SCAF8: variants seen among roughly 807,000 people sequenced by gnomAD.
SCAF8 encodes SR-related and CTD-associated factor 8.
A neutral mutation model predicts 140.5 loss-of-function variants in SCAF8; 23 were observed. The ratio of observed to expected loss-of-function variants is 0.16; its 90% CI spans 0.12 to 0.23. The LOEUF (loss-of-function observed/expected upper bound fraction) is 0.23. Ranked by LOEUF, SCAF8 falls within the 10% of genes least tolerant of loss-of-function variation. The pLI is 1.00. For missense variants in SCAF8, 1,397 were observed against 1,555.7 expected (o/e 0.90, Z 1.72); for synonymous variants, 575 against 528.9 (o/e 1.09, Z -1.20).
At chr6:154,773,926 T>C in intron 1 of SCAF8, 63 bp from the exon 2 acceptor site, 1 of 989,432 alleles carries the variant, frequency 1.0e-6, no homozygotes, top group South Asian at 1.4e-5. Flanking sequence ...TGAACATGTT[T>C]GGTAGTTTCA....
chr6:154,832,227 T>C lies in SCAF8; in HGVS notation c.2648T>C (p.Val883Ala), dbSNP rs1256002644. ...PPNIPNNSGL[V>A]GVQPPNVPNT... ...AATATACCTAACAATTCTGGACTTG[T>C]AGGAGTACAGCCACCAAATGTTCCA... is the stretch of plus-strand genomic sequence containing the variant. Residue 883 changes from valine (V) to alanine (A), a missense_variant, in exon 20 of 20, where the codon GTA (valine) becomes GCA (alanine). Physicochemically the swap from Val to Ala is moderately conservative, Grantham distance 64. Transcript: ENST00000367178. 1.9e-6 allele frequency: 3 copies of C among 1,614,132 alleles called. No homozygotes were observed. The highest frequency in any genetic ancestry group is 2.5e-6 in the Non-Finnish European group (3 of 1,179,990).
chr6:154,816,963 C>T (rs1341977038), intron 13 of SCAF8, among the ~76,000 whole-genome samples: 1 of 152,168 alleles, frequency 6.6e-6, no homozygotes, highest in Non-Finnish European at 1.5e-5. Flanking sequence ...TTATGGATTT[C>T]AACTTGGGTA....
At chr6:154,782,194 T>C (rs1164398459) in intron 3 of SCAF8, among the ~76,000 whole-genome samples, 3 of 152,142 alleles carry the variant, frequency 2.0e-5, no homozygotes, top group Admixed American at 6.5e-5. Context: ...AAGGCTGGGC[T>C]CAGGCATTTG....
In SCAF8 at chr6:154,733,841, A is replaced by C. The variant is rs751230996; in HGVS notation, c.-60A>C. 1.5e-5 allele frequency: 23 copies of C among 1,532,242 alleles called. No homozygotes were observed. The highest frequency in any genetic ancestry group is 4.3e-5 in the African/African-American group (3 of 69,336). The allele number at this position is 1,532,242 out of a possible 1,614,324, so 94.9% of individuals were successfully genotyped here. On this transcript the variant is annotated 5_prime_UTR_variant, in exon 1 of 20. Transcript: ENST00000367178. ...CAGCAGCCCGCGTCTCGCTCTCCCC[A>C]CCCAGTGCAGTGGCCGCCGCCTCTT...
intron 8 of SCAF8, among the ~76,000 whole-genome samples, 157 bp from the exon 9 acceptor site, chr6:154,805,212 C>G (rs1056439848): frequency 9.9e-5 from 15 of 151,936 alleles, no homozygotes; most frequent in African/African-American, 2.9e-4. Context: ...AATTAATGTT[C>G]TCAAGTATTC....
Position 154,748,814 on chromosome 6 carries a change from A to C in SCAF8, c.30+14884A>C, listed in dbSNP as rs77810629. On this transcript the variant is annotated intron_variant, in intron 1 of 19. Coordinates refer to ENST00000367178, the MANE Select transcript of SCAF8 (RefSeq NM_014892.5). ...GGAGTTGTTTAGAGGCTGCAGCATC[A>C]TTCTTGTGCAAAATTTCCTAATCAG... 6.4e-3 allele frequency among the ~76,000 whole-genome samples: 979 copies of C among 152,354 alleles called. 14 individuals are homozygous for C. Among genetic ancestry groups the C allele is most frequent in the African/African-American group, 0.022 (913 of 41,574 alleles).
intron 1 of SCAF8, among the ~76,000 whole-genome samples, chr6:154,750,296 A>G (rs1251170258): frequency 6.6e-6 from 1 of 152,186 alleles, no homozygotes; most frequent in Non-Finnish European, 1.5e-5. Context: ...CAAGGTGGAG[A>G]TACCTAACTA....
intron 1 of SCAF8, among the ~76,000 whole-genome samples, chr6:154,768,321 T>A (rs1375850641): frequency 6.6e-6 from 1 of 152,216 alleles, no homozygotes; most frequent in African/African-American, 2.4e-5. Flanking sequence ...TCTGTGGTGG[T>A]ATTCAAGGTT....
chr6:154,793,913 G>GTGTATGTGTGTGTGTA (rs1777504535), intron 5 of SCAF8, among the ~76,000 whole-genome samples: 2 of 151,378 alleles, frequency 1.3e-5, no homozygotes, highest in African/African-American at 4.9e-5. Context: ...GTGTGTGTGT[G>GTGTATGTGTGTGTGTA]TGTATGAACA....
intron 6 of SCAF8, among the ~76,000 whole-genome samples, chr6:154,798,297 T>A (rs956640850): frequency 6.6e-6 from 1 of 151,510 alleles, no homozygotes; most frequent in African/African-American, 2.4e-5. Flanking sequence ...AAAGTTCTGT[T>A]ATACAGATGA....
chr6:154,813,267 A>G (rs965910088), intron 12 of SCAF8, among the ~76,000 whole-genome samples: 1 of 152,100 alleles, frequency 6.6e-6, no homozygotes, highest in Non-Finnish European at 1.5e-5. Flanking sequence ...GCTCAAACCT[A>G]TAATCCCAGT....
intron 5 of SCAF8, among the ~76,000 whole-genome samples, chr6:154,793,635 T>C (rs1389612815): frequency 1.3e-5 from 2 of 151,444 alleles, no homozygotes; most frequent in East Asian, 1.9e-4. Flanking sequence ...GCCAATATAG[T>C]GAAACCCTGT....
chr6:154,746,075 G>A (rs1433671910), intron 1 of SCAF8, among the ~76,000 whole-genome samples: 2 of 152,092 alleles, frequency 1.3e-5, no homozygotes, highest in Non-Finnish European at 2.9e-5. Context: ...TAGTCGAGTC[G>A]AGGTTTTGCC....
chr6:154,830,221 T>C (rs1249057080), intron 18 of SCAF8, among the ~76,000 whole-genome samples: 1 of 152,252 alleles, frequency 6.6e-6, no homozygotes, highest in Non-Finnish European at 1.5e-5. Context: ...TGTTGTATGC[T>C]AACAGTTTGT....
Position 154,808,724 on chromosome 6 carries a change from G to A in SCAF8, c.1152G>A (p.Glu384=). ...DIDEGQDGVE[E]EVFEQEAKKV... ...ATGAAGGGCAAGATGGAGTGGAAGA[G>A]GAGGTCTTTGAACAAGAAGCTAAGA... Residue 384 remains glutamate, a synonymous_variant, in exon 11 of 20, where the codon GAG becomes GAA. Transcript: ENST00000367178. The A allele has an allele frequency of 6.2e-7, 1 of 1,613,802 alleles. No homozygotes were observed. The highest frequency in any genetic ancestry group is 8.5e-7 in the Non-Finnish European group (1 of 1,179,712).
In SCAF8 at chr6:154,734,403, G is replaced by T. The variant is rs78966321; in HGVS notation, c.30+473G>T. Among the ~76,000 whole-genome samples, 1,215 of 152,316 alleles carry T rather than the reference G, an allele frequency of 8.0e-3. 14 individuals are homozygous for T. Among genetic ancestry groups the T allele is most frequent in the African/African-American group, 0.027 (1,137 of 41,574 alleles). Reference sequence around the variant, plus strand: ...ATGAACCTACGGGGTGTTGATCTGTGGTCACGTTACACGTAGTGTTTATAA... The same window carrying T: ...ATGAACCTACGGGGTGTTGATCTGTTGTCACGTTACACGTAGTGTTTATAA... On this transcript the variant is annotated intron_variant, in intron 1 of 19. Transcript: ENST00000367178.
At position 154,784,123 on chromosome 6, in the gene SCAF8, A is replaced by ATG. The variant is rs1777170367; in HGVS notation, c.160-3737_160-3736insGT. 2.2e-4 allele frequency among the ~76,000 whole-genome samples: 4 copies of ATG among 18,360 alleles called. No homozygotes were observed. The South Asian group carries it at 0.013, about 58-fold the overall frequency. 12.0% of individuals were successfully genotyped at this position (18,360 alleles called of 152,430 possible). A position where few individuals can be genotyped will look rare whatever the true frequency, so the allele number is the denominator to read the frequency against. Reference sequence around the variant, plus strand: ...TTACTTATCTCTGGTGTCTTGAGATATATATATATATATATATATATATAT... The same window carrying ATG: ...TTACTTATCTCTGGTGTCTTGAGATATGTATATATATATATATATATATATAT... On this transcript the variant is annotated intron_variant, in intron 3 of 19. Coordinates refer to ENST00000367178, the MANE Select transcript of SCAF8 (RefSeq NM_014892.5).
chr6:154,816,336 G>A (rs1778247718), intron 13 of SCAF8, among the ~76,000 whole-genome samples: 1 of 152,132 alleles, frequency 6.6e-6, no homozygotes, highest in Non-Finnish European at 1.5e-5. Context: ...TATGGCCAGC[G>A]AATTGCTAGT....
chr6:154,758,861 C>T (rs1397244817), intron 1 of SCAF8, among the ~76,000 whole-genome samples: 1 of 152,138 alleles, frequency 6.6e-6, no homozygotes, highest in Non-Finnish European at 1.5e-5. Flanking sequence ...TTTTCCTTCC[C>T]TCCTCCTCTA....
Sources: allele counts gnomAD v4.1 joint callset (sites outside exome capture counted in the v4.1 genomes callset), GRCh38; gene constraint gnomAD v4.1.1; transcripts MANE v1.5; gene names NCBI Gene and HGNC (gene_info 2026-07-23, HGNC 2026-07-21).